Variants in GNAZ observed in about 807,000 individuals in gnomAD.
GNAZ encodes guanine nucleotide-binding protein G(z) subunit alpha.
A neutral mutation model predicts 25.4 loss-of-function variants in GNAZ; 3 were observed. The ratio of observed to expected loss-of-function variants is 0.12; its 90% CI spans 0.05 to 0.30. The LOEUF (loss-of-function observed/expected upper bound fraction) is 0.30. Among genes scored for constraint, GNAZ ranks in the 10% least tolerant of loss-of-function variants. The pLI is 1.00. For missense variants in GNAZ, 241 were observed against 501.8 expected (o/e 0.48, Z 4.97); for synonymous variants, 211 against 205.7 (o/e 1.03, Z -0.22).
intron 1 of GNAZ, among the ~76,000 whole-genome samples, chr22:23,072,524 G>A (rs1325710998): frequency 6.6e-6 from 1 of 152,200 alleles, no homozygotes; most frequent in Non-Finnish European, 1.5e-5. Flanking sequence ...CATTTCTGGG[G>A]ATGTTTTTGC....
chr22:23,094,024 G>T (rs2069056817), intron 1 of GNAZ, among the ~76,000 whole-genome samples: 1 of 152,216 alleles, frequency 6.6e-6, no homozygotes, highest in African/African-American at 2.4e-5. Flanking sequence ...TGAGGGTTTA[G>T]CAGGTTGAGT....
At chr22:23,108,910 G>A (rs1218627991) in intron 2 of GNAZ, among the ~76,000 whole-genome samples, 1 of 152,248 alleles carries the variant, frequency 6.6e-6, no homozygotes, top group Non-Finnish European at 1.5e-5. Context: ...CGAGGCAGGA[G>A]ACATGCTGTG....
chr22:23,077,551 C>G (rs1569161161), intron 1 of GNAZ, among the ~76,000 whole-genome samples: 1 of 152,134 alleles, frequency 6.6e-6, no homozygotes, highest in African/African-American at 2.4e-5. Flanking sequence ...GCCACGGAAA[C>G]AAGGTGCTAA....
chr22:23,083,638 C>T (rs964807527), intron 1 of GNAZ, among the ~76,000 whole-genome samples: 2 of 152,090 alleles, frequency 1.3e-5, no homozygotes, highest in Admixed American at 6.6e-5. Context: ...CACACACAAG[C>T]CATTGGAGGC....
intron 2 of GNAZ, among the ~76,000 whole-genome samples, chr22:23,106,689 A>C (rs1427499480): frequency 6.6e-6 from 1 of 152,218 alleles, no homozygotes; most frequent in Non-Finnish European, 1.5e-5. Flanking sequence ...AGGCCCAGAG[A>C]CGTGAGCGGT....
At chr22:23,099,190 G>GAGA (rs2069220101) in intron 2 of GNAZ, among the ~76,000 whole-genome samples, 1 of 152,284 alleles carries the variant, frequency 6.6e-6, no homozygotes, top group African/African-American at 2.4e-5. Flanking sequence ...CGTTGCCAAG[G>GAGA]AGAACGTCAG....
intron 2 of GNAZ, among the ~76,000 whole-genome samples, chr22:23,099,529 G>A (rs2146327441): frequency 1.3e-5 from 2 of 152,336 alleles, no homozygotes; most frequent in South Asian, 4.1e-4. Context: ...TGATCCTGTG[G>A]GGCAGCAGCG....
intron 2 of GNAZ, among the ~76,000 whole-genome samples, chr22:23,100,272 T>C (rs1325721831): frequency 6.6e-6 from 1 of 152,216 alleles, no homozygotes; most frequent in Non-Finnish European, 1.5e-5. Flanking sequence ...GCCCTGTCTT[T>C]CTAGAGCTGG....
At chr22:23,090,755 C>T (rs997241177) in intron 1 of GNAZ, among the ~76,000 whole-genome samples, 11 of 152,346 alleles carry the variant, frequency 7.2e-5, no homozygotes, top group African/African-American at 2.6e-4. Context: ...GTGCCACCCC[C>T]AACCCTGCCC....
intron 2 of GNAZ, among the ~76,000 whole-genome samples, chr22:23,119,311 C>T (rs2069939478): frequency 6.6e-6 from 1 of 152,246 alleles, no homozygotes; most frequent in East Asian, 1.9e-4. Flanking sequence ...CCCACTGCCT[C>T]CTCTGCAGTT....
At chr22:23,114,488 T>A (rs2069761413) in intron 2 of GNAZ, among the ~76,000 whole-genome samples, 1 of 151,098 alleles carries the variant, frequency 6.6e-6, no homozygotes, top group Admixed American at 6.6e-5. Context: ...CCCCCAGAGG[T>A]CCAGTCAAAA....
chr22:23,087,976 CAAG>C, intron 1 of GNAZ, among the ~76,000 whole-genome samples: 1 of 152,182 alleles, frequency 6.6e-6, no homozygotes, highest in Non-Finnish European at 1.5e-5. Flanking sequence ...AGTGCCCAGG[CAAG>C]AAGGAGGTCT....
In GNAZ at chr22:23,123,155, A is replaced by T; in HGVS notation, c.792A>T (p.Ser264=). The T allele has an allele frequency of 3.7e-6, 6 of 1,613,726 alleles. No individual in the cohort carries two copies. Among genetic ancestry groups the T allele is most frequent in the Non-Finnish European group, 4.2e-6 (5 of 1,179,708 alleles). Residue 264 remains serine (S), a synonymous_variant, in exon 3 of 3, where the codon TCA becomes TCT. Coordinates refer to ENST00000615612, the MANE Select transcript of GNAZ (RefSeq NM_002073.4). ...ACAACAACTGGTTCATCAACACCTCACTCATCCTCTTCCTGAACAAGAAGG... is the reference window on the plus strand; with the variant it reads ...ACAACAACTGGTTCATCAACACCTCTCTCATCCTCTTCCTGAACAAGAAGG... The part of the protein sequence containing the change: ...ICNNNWFINT[S]LILFLNKKDL...
intron 2 of GNAZ, among the ~76,000 whole-genome samples, chr22:23,112,910 T>C (rs2069694988): frequency 6.6e-6 from 1 of 152,152 alleles, no homozygotes; most frequent in African/African-American, 2.4e-5. Flanking sequence ...AGCTACCCCA[T>C]GCTGTGCTGT....
At chr22:23,111,717 C>T (rs544747727) in intron 2 of GNAZ, among the ~76,000 whole-genome samples, 25 of 152,362 alleles carry the variant, frequency 1.6e-4, no homozygotes, top group Admixed American at 1.6e-3. Flanking sequence ...ACAAGACAGC[C>T]AGTACCTCCC....
At chr22:23,098,958 T>C (rs2069208862) in intron 2 of GNAZ, among the ~76,000 whole-genome samples, 1 of 152,180 alleles carries the variant, frequency 6.6e-6, no homozygotes, top group South Asian at 2.1e-4. Flanking sequence ...CTGGGCCCTG[T>C]CAAAGGCAAG....
intron 2 of GNAZ, among the ~76,000 whole-genome samples, chr22:23,119,827 A>G (rs528355726): frequency 1.4e-4 from 22 of 152,228 alleles, no homozygotes; most frequent in Non-Finnish European, 3.1e-4. Context: ...CCAAGAAACA[A>G]GACCAGGAAA....
intron 2 of GNAZ, among the ~76,000 whole-genome samples, chr22:23,100,063 A>G (rs1483775778): frequency 1.3e-5 from 2 of 152,276 alleles, no homozygotes; most frequent in African/African-American, 2.4e-5. Flanking sequence ...CGGAGCTGTC[A>G]GCATTCCCAG....
In GNAZ at chr22:23,124,217, T is replaced by G. The variant is rs972948192; in HGVS notation, c.*786T>G. 1.7e-4 allele frequency: 27 copies of G among 162,688 alleles called. 1 individual carries two copies. In the South Asian group the frequency reaches 2.4e-3, roughly 14 times the overall value. 10.1% of individuals were successfully genotyped at this position (162,688 alleles called of 1,614,324 possible). A position where few individuals can be genotyped will look rare whatever the true frequency, so the allele number is the denominator to read the frequency against. ...TTTTTTTTTGTTTTGTTTTTTGGTT[T>G]TTTTTTTTTTTTGGCCAAATCTCGT... On this transcript the variant is annotated 3_prime_UTR_variant, in exon 3 of 3. Transcript: ENST00000615612.
Sources: gnomAD v4.1 joint callset for allele counts (sites outside exome capture counted in the v4.1 genomes callset) on GRCh38, gnomAD v4.1.1 for gene constraint, MANE v1.5 for transcripts, NCBI Gene and HGNC (gene_info 2026-07-23, HGNC 2026-07-21) for gene names.